NDUFAF2: variants seen among roughly 807,000 people sequenced by gnomAD.
NDUFAF2 encodes NADH dehydrogenase [ubiquinone] 1 alpha subcomplex assembly factor 2.
Under a neutral mutation model 22.8 loss-of-function variants are expected in NDUFAF2, and 13 were observed. The ratio of observed to expected loss-of-function variants is 0.57; its 90% CI spans 0.37 to 0.91. The LOEUF (loss-of-function observed/expected upper bound fraction) is 0.91, where lower values mean the gene tolerates loss of function less well. Among genes scored for constraint, NDUFAF2 ranks in the 40% least tolerant of loss-of-function variants. The pLI is 0.01. For missense variants in NDUFAF2, 162 were observed against 195.2 expected (o/e 0.83, Z 1.01); for synonymous variants, 53 against 64.2 (o/e 0.83, Z 0.84).
chr5:60,976,826 A>G (rs527723851), intron 1 of NDUFAF2, among the ~76,000 whole-genome samples: 1 of 152,224 alleles, frequency 6.6e-6, no homozygotes, highest in South Asian at 2.1e-4. Flanking sequence ...TTCTATGCCT[A>G]TGTGGTATTT....
chr5:61,001,524 G>A (rs186603707), intron 1 of NDUFAF2, among the ~76,000 whole-genome samples: 1 of 152,160 alleles, frequency 6.6e-6, no homozygotes, highest in East Asian at 1.9e-4. Flanking sequence ...TATTCTAATA[G>A]TCGAGACATA....
chr5:61,113,545 G>A (rs760560458), intron 3 of NDUFAF2, among the ~76,000 whole-genome samples: 1 of 152,220 alleles, frequency 6.6e-6, no homozygotes, highest in Middle Eastern at 3.4e-3. Flanking sequence ...CATAGGGGTG[G>A]TTACCTCTGT....
At chr5:61,044,640 T>C (rs1751924021) in intron 1 of NDUFAF2, among the ~76,000 whole-genome samples, 1 of 152,186 alleles carries the variant, frequency 6.6e-6, no homozygotes, top group Non-Finnish European at 1.5e-5. Context: ...GACTGTAATA[T>C]GTGGTTTTAT....
intron 2 of NDUFAF2, among the ~76,000 whole-genome samples, chr5:61,098,501 A>C (rs1752670627): frequency 6.6e-6 from 1 of 152,248 alleles, no homozygotes; most frequent in Non-Finnish European, 1.5e-5. Context: ...CTAAGGCCTG[A>C]TGATATTTTT....
At chr5:61,075,338 GA>G (rs1048421245) in intron 2 of NDUFAF2, among the ~76,000 whole-genome samples, 124 of 147,410 alleles carry the variant, frequency 8.4e-4, no homozygotes, top group African/African-American at 2.9e-3. Flanking sequence ...GAACTATGAG[GA>G]AAAAAAAAAC....
chr5:61,118,952 G>A (rs1752945019), intron 3 of NDUFAF2, among the ~76,000 whole-genome samples: 1 of 152,104 alleles, frequency 6.6e-6, no homozygotes, highest in Non-Finnish European at 1.5e-5. Flanking sequence ...TCTTAAGTTG[G>A]ATGGTGGGTT....
intron 1 of NDUFAF2, among the ~76,000 whole-genome samples, chr5:60,951,016 G>T (rs1750538610): frequency 6.6e-6 from 1 of 151,728 alleles, no homozygotes; most frequent in African/African-American, 2.4e-5. Context: ...TGGCATAATA[G>T]CTCCTTTCTT....
At chr5:60,977,515 C>T (rs1458520004) in intron 1 of NDUFAF2, among the ~76,000 whole-genome samples, 14 of 151,832 alleles carry the variant, frequency 9.2e-5, no homozygotes, top group Non-Finnish European at 4.4e-5. Flanking sequence ...AAATTATGAG[C>T]AGAGAGGAGG....
intron 2 of NDUFAF2, among the ~76,000 whole-genome samples, chr5:61,097,725 A>G (rs1306257672): frequency 6.6e-6 from 1 of 152,158 alleles, no homozygotes; most frequent in Admixed American, 6.6e-5. Context: ...TTTTTCTAAC[A>G]TGTAGTTAGG....
intron 1 of NDUFAF2, among the ~76,000 whole-genome samples, chr5:60,996,289 C>T (rs192404596): frequency 6.6e-6 from 1 of 152,130 alleles, no homozygotes; most frequent in East Asian, 1.9e-4. Flanking sequence ...TCATTGTCTT[C>T]AAGGCAGGGG....
At chr5:60,954,957 G>T (rs1360305000) in intron 1 of NDUFAF2, among the ~76,000 whole-genome samples, 2 of 152,138 alleles carry the variant, frequency 1.3e-5, no homozygotes, top group African/African-American at 4.8e-5. Flanking sequence ...TTAAGTCATA[G>T]AAGTCACTGA....
intron 1 of NDUFAF2, among the ~76,000 whole-genome samples, chr5:61,018,233 T>C (rs1281148039): frequency 6.6e-6 from 1 of 152,176 alleles, no homozygotes; most frequent in East Asian, 1.9e-4. Flanking sequence ...AACTTCACAT[T>C]TAGTGACATC....
chr5:61,067,048 C>CTG (rs1384396003), intron 1 of NDUFAF2, among the ~76,000 whole-genome samples: 1 of 152,104 alleles, frequency 6.6e-6, no homozygotes, highest in African/African-American at 2.4e-5. Flanking sequence ...TAAAATTGTA[C>CTG]TGTGTGTGGG....
intron 1 of NDUFAF2, among the ~76,000 whole-genome samples, chr5:60,947,463 CCCATTAAAAAAT>C (rs750229391): frequency 2.2e-4 from 34 of 152,032 alleles, no homozygotes; most frequent in Non-Finnish European, 4.6e-4. Flanking sequence ...AAACCTTTTG[CCCATTAAAAAAT>C]CCATTTATGG....
intron 1 of NDUFAF2, among the ~76,000 whole-genome samples, chr5:60,965,880 A>C (rs1202063205): frequency 6.6e-6 from 1 of 152,144 alleles, no homozygotes; most frequent in Non-Finnish European, 1.5e-5. Context: ...GTGGATATAT[A>C]CCCAGTAGTG....
intron 3 of NDUFAF2, among the ~76,000 whole-genome samples, chr5:61,125,798 T>A (rs993272337): frequency 8.5e-5 from 13 of 152,080 alleles, no homozygotes; most frequent in African/African-American, 3.1e-4. Context: ...TTATTTGTTA[T>A]AGGCCAAGTC....
chr5:61,139,890 G>T (rs1741024456), intron 3 of NDUFAF2, among the ~76,000 whole-genome samples: 1 of 152,164 alleles, frequency 6.6e-6, no homozygotes, highest in East Asian at 1.9e-4. Flanking sequence ...GCCCATAAAA[G>T]GCTCCTGACT....
intron 1 of NDUFAF2, among the ~76,000 whole-genome samples, chr5:61,017,965 T>G (rs1485261041): frequency 1.3e-5 from 2 of 152,168 alleles, no homozygotes. Context: ...TTGGCCAGGC[T>G]GATCTTGAAC....
chr5:61,150,405 C>A (rs1299505125), intron 3 of NDUFAF2, among the ~76,000 whole-genome samples: 3 of 152,066 alleles, frequency 2.0e-5, no homozygotes, highest in Non-Finnish European at 4.4e-5. Flanking sequence ...ACTCTGAAAT[C>A]TTTAACCATC....
Sources: allele counts gnomAD v4.1 joint callset (sites outside exome capture counted in the v4.1 genomes callset), GRCh38; gene constraint gnomAD v4.1.1; transcripts MANE v1.5; gene names NCBI Gene and HGNC (gene_info 2026-07-23, HGNC 2026-07-21).